The following PDGFRB variants were observed in gnomAD, a reference collection of about 807,000 sequenced individuals.
PDGFRB encodes the protein platelet derived growth factor receptor beta.
PDGFRB carries 42 observed loss-of-function variants against 120.2 expected under a neutral mutation model. The ratio of observed to expected loss-of-function variants is 0.35; its 90% CI spans 0.27 to 0.45. The LOEUF is 0.45. PDGFRB is among the 20% of genes least tolerant of loss of function. PDGFRB has a pLI of 1.00. For synonymous variants in PDGFRB, 586 were observed against 606.8 expected (o/e 0.97, Z 0.50); for missense variants, 1,149 against 1,476.3 (o/e 0.78, Z 3.63).
chr5:150,135,411 G>A (rs751207320), intron 3 of PDGFRB, 144 bp downstream of exon 3: 73 of 676,586 alleles, frequency 1.1e-4, no homozygotes, highest in African/African-American at 2.9e-4. Context: ...CACACTCCCC[G>A]ACTGAGCCAG....
chr5:150,151,969 G>A (rs1487801535), intron 1 of PDGFRB, among the ~76,000 whole-genome samples: 18 of 151,360 alleles, frequency 1.2e-4, no homozygotes, highest in Admixed American at 1.1e-3. Context: ...GTCTTGCCCT[G>A]TCGCTTAGGC....
chr5:150,136,927 C>T (rs1000340676), intron 2 of PDGFRB, 81 bp downstream of exon 2: 9 of 1,084,158 alleles, frequency 8.3e-6, no homozygotes, highest in Non-Finnish European at 1.1e-5. Context: ...CGCCCTGCCA[C>T]CAGCACACAT....
intron 6 of PDGFRB, 103 bp downstream of exon 6, chr5:150,133,483 G>C (rs1317405293): frequency 2.1e-6 from 2 of 954,390 alleles, no homozygotes; most frequent in East Asian, 2.4e-5. Context: ...CCTGATCACT[G>C]TATCAAAAAT....
rs769483792 is a variant in PDGFRB, at chr5:150,132,759, G to A, written c.1118C>T (p.Ser373Leu). Residue 373 changes from serine to leucine, a missense_variant, in exon 7 of 23, where the codon TCG (serine) becomes TTG (leucine). Around this residue, in one of 3 missense-constraint regions of PDGFRB, gnomAD observed 879 missense variants for 1,108.6 expected, o/e 0.79. Coordinates refer to ENST00000261799, the MANE Select transcript of PDGFRB (RefSeq NM_002609.4). This position sits in a 1 kb window ranked among gnomAD's most constrained non-coding sequence, Gnocchi z 5.0. ...AGAGCGAGCTGCTCACCGGGTCTCC[G>A]ACACGTTGCGCGTGGACAGGGCGAT... ...GEIALSTRNVSETRYVSELTL... is the reference protein window; with the variant it reads ...GEIALSTRNVLETRYVSELTL... 9.3e-6 allele frequency: 15 copies of A among 1,612,584 alleles called. No individual in the cohort carries two copies. Among genetic ancestry groups the A allele is most frequent in the African/African-American group, 8.0e-5 (6 of 74,940 alleles).
In PDGFRB at chr5:150,115,780, C is replaced by T; in HGVS notation, c.3304G>A (p.Glu1102Lys). 12 of 1,608,222 alleles carry T rather than the reference C, an allele frequency of 7.5e-6. No homozygotes were observed. Among genetic ancestry groups the T allele is most frequent in the Non-Finnish European group, 1.0e-5 (12 of 1,177,292 alleles). Residue 1102 changes from glutamate to lysine, a missense_variant, in exon 23 of 23, where the codon GAG becomes AAG. Physicochemically the swap from Glu to Lys is moderately conservative, Grantham distance 56. Coordinates refer to ENST00000261799, the MANE Select transcript of PDGFRB (RefSeq NM_002609.4). ...SGCPAPRAEA[E>K]DSFL ...CCAGCCCCCTACAGGAAGCTATCCT[C>T]TGCTTCCGCCCGAGGCGCAGGGCAC...
chr5:150,150,193 G>T (rs571199955), intron 1 of PDGFRB, among the ~76,000 whole-genome samples: 16 of 152,326 alleles, frequency 1.1e-4, no homozygotes, highest in African/African-American at 3.8e-4. Flanking sequence ...CAGGCCTTCA[G>T]AGAGATGGTA....
At chr5:150,151,945 T>A (rs549796961) in intron 1 of PDGFRB, among the ~76,000 whole-genome samples, 1 of 149,188 alleles carries the variant, frequency 6.7e-6, no homozygotes, top group South Asian at 2.1e-4. Context: ...TATTTATTTA[T>A]TTTTTTTGAG....
chr5:150,117,544 GCACACACACACACA>G lies in PDGFRB; in HGVS notation c.3137+60_3137+73del, dbSNP rs3836743. On this transcript the variant is annotated intron_variant, in intron 22 of 22. Transcript: ENST00000261799. ...AACCTGGCAGCGCGCGCGCGCGCGC[GCACACACACACACA>G]CACACACACACACACACACACTGTG... 55 of 516,470 alleles carry G rather than the reference GCACACACACACACA, an allele frequency of 1.1e-4. No homozygotes were observed. The African/African-American group carries it at 1.1e-3, about 10-fold the overall frequency. The allele number at this position is 516,470 out of a possible 1,614,324, so 32.0% of individuals were successfully genotyped here.
intron 10 of PDGFRB, 60 bp downstream of exon 10, chr5:150,129,697 A>G (rs1760398109): frequency 1.4e-6 from 2 of 1,415,848 alleles, no homozygotes; most frequent in East Asian, 2.3e-5. Context: ...CACATTACCA[A>G]TTAGGCAGGA....
intron 1 of PDGFRB, among the ~76,000 whole-genome samples, chr5:150,141,982 G>T (rs190434177): frequency 1.5e-3 from 234 of 151,920 alleles, no homozygotes; most frequent in African/African-American, 5.4e-3. Context: ...GGAGAGGGGG[G>T]TGCTGGGGGC....
At chr5:150,127,341 G>A (rs1404733828) in intron 10 of PDGFRB, among the ~76,000 whole-genome samples, 2 of 152,080 alleles carry the variant, frequency 1.3e-5, no homozygotes, top group Non-Finnish European at 2.9e-5. Flanking sequence ...TGCCCTGCTG[G>A]CCACCCATGA....
At chr5:150,136,967 G>A (rs564087805) in intron 2 of PDGFRB, 41 bp downstream of exon 2, 54 of 1,552,862 alleles carry the variant, frequency 3.5e-5, no homozygotes, top group Admixed American at 2.0e-4. Context: ...GTTCCACTCC[G>A]CAGCCCCCCG....
chr5:150,115,963 G>C lies in PDGFRB; in HGVS notation c.3138-17C>G. On this transcript the variant is annotated splice_polypyrimidine_tract_variant and intron_variant, in intron 22 of 22. Transcript: ENST00000261799. ...AGGGTGGAGCTAGAGGAAAGAGGCA[G>C]TGAGTGAGGGGCTAGGAAGGAGCCC... 6.4e-7 allele frequency: 1 copy of C among 1,551,066 alleles called. No homozygotes were observed. The highest frequency in any genetic ancestry group is 8.7e-7 in the Non-Finnish European group (1 of 1,147,060).
intron 9 of PDGFRB, among the ~76,000 whole-genome samples, chr5:150,130,275 G>A (rs1265970461): frequency 2.0e-5 from 3 of 152,210 alleles, no homozygotes; most frequent in Non-Finnish European, 2.9e-5. Context: ...GGCCAGGAGT[G>A]CAGAACTGAT....
chr5:150,141,031 A>G (rs1212774534), intron 1 of PDGFRB, among the ~76,000 whole-genome samples: 1 of 152,168 alleles, frequency 6.6e-6, no homozygotes, highest in Non-Finnish European at 1.5e-5. Flanking sequence ...GGGAGCCTGC[A>G]CATGGTCAGC....
At position 150,131,976 on chromosome 5, in the gene PDGFRB, C is replaced by T. The variant is rs1479446426; in HGVS notation, c.1243+3G>A. The T allele has an allele frequency of 4.0e-6, 6 of 1,491,494 alleles. No homozygotes were observed. The highest frequency in any genetic ancestry group is 5.6e-6 in the Non-Finnish European group (6 of 1,068,402). The allele number at this position is 1,491,494 out of a possible 1,614,324, so 92.4% of individuals were successfully genotyped here. A position where few individuals can be genotyped will look rare whatever the true frequency, so the allele number is the denominator to read the frequency against. On this transcript the variant is annotated splice_donor_region_variant and intron_variant, in intron 8 of 22. Coordinates refer to ENST00000261799, the MANE Select transcript of PDGFRB (RefSeq NM_002609.4). ...GGGACATGGCGAGGGGCGTGCTCATCACCATTGATCTGTAGCTGGAAGGAG... is the reference window on the plus strand; with the variant it reads ...GGGACATGGCGAGGGGCGTGCTCATTACCATTGATCTGTAGCTGGAAGGAG...
intron 12 of PDGFRB, 42 bp downstream of exon 12, chr5:150,125,403 C>T: frequency 1.9e-6 from 3 of 1,576,154 alleles, no homozygotes; most frequent in Non-Finnish European, 2.6e-6. Flanking sequence ...TCCCACCCAA[C>T]TTGAGTCCCC....
chr5:150,130,517 A>T, intron 9 of PDGFRB, 22 bp downstream of exon 9: 1 of 1,609,088 alleles, frequency 6.2e-7, no homozygotes, highest in Admixed American at 1.7e-5. Flanking sequence ...ACACTGGGAG[A>T]CTGAGGCCCA....
Position 150,121,374 on chromosome 5 carries a change from C to G in PDGFRB, c.2345-52G>C, listed in dbSNP as rs1379685546. 3.5e-6 allele frequency: 3 copies of G among 869,062 alleles called. No homozygotes were observed. Among genetic ancestry groups the G allele is most frequent in the African/African-American group, 3.3e-5 (2 of 60,842 alleles). The allele number at this position is 869,062 out of a possible 1,614,324, so 53.8% of individuals were successfully genotyped here. On this transcript the variant is annotated intron_variant, in intron 16 of 22. Coordinates refer to ENST00000261799, the MANE Select transcript of PDGFRB (RefSeq NM_002609.4). The surrounding 1 kb of genome is among the most constrained non-coding windows in gnomAD (Gnocchi z 4.1). ...CTATCTTATATCTCCTTCTGGCCCA[C>G]AGGACCCCTGCCCTTTGGCTCCTGG...
Sources: allele counts gnomAD v4.1 joint callset (sites outside exome capture counted in the v4.1 genomes callset), GRCh38; gene constraint gnomAD v4.1.1; regional missense constraint gnomAD v4.1.1; non-coding constraint Gnocchi (gnomAD v3.1); transcripts MANE v1.5; gene names NCBI Gene and HGNC (gene_info 2026-07-23, HGNC 2026-07-21).